Variants in RABGEF1 observed in about 807,000 individuals in gnomAD.
RABGEF1 encodes the protein RAB guanine nucleotide exchange factor 1, also known as rab5 GDP/GTP exchange factor.
In RABGEF1, 26 loss-of-function variants were observed where a neutral mutation model predicts 57.3. The ratio of observed to expected loss-of-function variants is 0.45; its 90% CI spans 0.33 to 0.63. RABGEF1 has a LOEUF of 0.63. RABGEF1 is among the 20% of genes least tolerant of loss of function. RABGEF1 has a pLI of 0.02. For missense variants in RABGEF1, 464 were observed against 607.6 expected (o/e 0.76, Z 2.48); for synonymous variants, 185 against 210.7 (o/e 0.88, Z 1.06).
chr7:66,738,937 T>G (rs555092159), upstream of RABGEF1, among the ~76,000 whole-genome samples: 1 of 152,188 alleles, frequency 6.6e-6, no homozygotes, highest in South Asian at 2.1e-4. Flanking sequence ...TCAGCACAGG[T>G]ACTTTGTGTT....
intron 1 of RABGEF1, among the ~76,000 whole-genome samples, chr7:66,684,341 G>A (rs1261946990): frequency 6.6e-6 from 1 of 152,168 alleles, no homozygotes; most frequent in Non-Finnish European, 1.5e-5. Flanking sequence ...CTACTCAGGA[G>A]GCTGAGGCAG....
In RABGEF1 at chr7:66,693,722, C is replaced by G. The variant is rs1584699855; in HGVS notation, c.-873+11464C>G. On this transcript the variant is annotated intron_variant and NMD_transcript_variant, in intron 1 of 9. Coordinates refer to the RABGEF1 transcript ENST00000607882. ...CAGATGGCACCATTTCAGGAGGGTC[C>G]CGAGAGAGAGGACTACGACCCTCAG... Among the ~76,000 whole-genome samples the G allele has an allele frequency of 3.3e-5, 5 of 152,294 alleles. No individual in the cohort carries two copies. The South Asian group carries it at 1.0e-3, about 32-fold the overall frequency.
intron 1 of RABGEF1, among the ~76,000 whole-genome samples, chr7:66,702,345 GTT>G (rs1491487824): frequency 8.2e-6 from 1 of 122,692 alleles, no homozygotes; most frequent in East Asian, 2.3e-4. Flanking sequence ...CTATTGTTTT[GTT>G]TGTGTGTGTG....
intron 3 of RABGEF1, among the ~76,000 whole-genome samples, chr7:66,775,880 G>A (rs1157921353): frequency 2.0e-5 from 3 of 152,180 alleles, no homozygotes; most frequent in Non-Finnish European, 4.4e-5. Context: ...AAAGGCCCAA[G>A]TTGGGCTCTT....
chr7:66,737,203 T>G (rs1271123380), upstream of RABGEF1, among the ~76,000 whole-genome samples: 1 of 152,032 alleles, frequency 6.6e-6, no homozygotes, highest in Non-Finnish European at 1.5e-5. Flanking sequence ...ATGCTGGTAT[T>G]ACAGTATTTA....
intron 1 of RABGEF1, among the ~76,000 whole-genome samples, chr7:66,704,003 C>T (rs1344356307): frequency 1.3e-5 from 2 of 152,208 alleles, no homozygotes; most frequent in African/African-American, 2.4e-5. Flanking sequence ...ACAAGTCTTG[C>T]ACCTCCTTTG....
chr7:66,728,799 C>T (rs2117613920), intron 2 of RABGEF1, among the ~76,000 whole-genome samples: 1 of 152,116 alleles, frequency 6.6e-6, no homozygotes, highest in South Asian at 2.1e-4. Context: ...CCTCCATCCT[C>T]ACCTCCACCT....
chr7:66,795,360 GT>G, intron 4 of RABGEF1, 150 bp from the exon 5 acceptor site: 1 of 638,610 alleles, frequency 1.6e-6, no homozygotes. Context: ...TAATGGATAG[GT>G]TTTACTCTCC....
intron 1 of RABGEF1, among the ~76,000 whole-genome samples, chr7:66,752,521 G>C (rs12531402): frequency 0.037 from 5,540 of 150,878 alleles, 158 homozygotes; most frequent in East Asian, 0.085. Flanking sequence ...CTTGATTTTT[G>C]TCTCTTCCAA....
chr7:66,781,536 C>A (rs1394277204), intron 3 of RABGEF1, among the ~76,000 whole-genome samples: 4 of 152,094 alleles, frequency 2.6e-5, no homozygotes, highest in African/African-American at 7.2e-5. Flanking sequence ...CCCAATAGGC[C>A]ACGGTGTGTG....
chr7:66,699,691 CAA>C (rs66868045), intron 1 of RABGEF1, among the ~76,000 whole-genome samples: 1 of 136,446 alleles, frequency 7.3e-6, no homozygotes, highest in Admixed American at 7.3e-5. Context: ...AATTCCATCT[CAA>C]AAAAAAAAAA....
intron 2 of RABGEF1, among the ~76,000 whole-genome samples, chr7:66,714,080 TACA>T (rs756548072): frequency 1.3e-5 from 2 of 152,236 alleles, no homozygotes; most frequent in South Asian, 2.1e-4. Context: ...GTTGGCTTTA[TACA>T]ACAATTTTGG....
At chr7:66,659,654 C>T in the RABGEF1 span, among the ~76,000 whole-genome samples, 5 of 151,716 alleles carry the variant, frequency 3.3e-5, no homozygotes, top group Admixed American at 6.6e-5. Context: ...GTGTTACCCT[C>T]CTGTGGTTCC....
intron 1 of RABGEF1, among the ~76,000 whole-genome samples, chr7:66,749,804 T>C (rs1227455310): frequency 6.6e-6 from 1 of 152,138 alleles, no homozygotes; most frequent in East Asian, 1.9e-4. Context: ...ACCCCGTCTC[T>C]ACTAAAAATA....
chr7:66,656,454 C>A, the RABGEF1 span, among the ~76,000 whole-genome samples: 7 of 152,106 alleles, frequency 4.6e-5, no homozygotes, highest in Non-Finnish European at 8.8e-5. Flanking sequence ...GGACAGAGAT[C>A]TAGAAGCTTA....
chr7:66,722,435 G>A (rs1464587300), intron 2 of RABGEF1, among the ~76,000 whole-genome samples: 39 of 152,132 alleles, frequency 2.6e-4, no homozygotes, highest in East Asian at 1.9e-4. Flanking sequence ...GCAAAACTCC[G>A]TGTCAAAAAC....
At chr7:66,745,901 A>G (rs1429204603) in intron 1 of RABGEF1, among the ~76,000 whole-genome samples, 2 of 152,182 alleles carry the variant, frequency 1.3e-5, no homozygotes, top group African/African-American at 2.4e-5. Flanking sequence ...TCCAGGCTGC[A>G]GTGAGCTGTG....
chr7:66,755,614 C>G (rs1802522526), intron 1 of RABGEF1, among the ~76,000 whole-genome samples: 1 of 152,158 alleles, frequency 6.6e-6, no homozygotes, highest in South Asian at 2.1e-4. Context: ...ATAAATTGAC[C>G]ATTTGTGCTG....
chr7:66,667,378 T>A, the RABGEF1 span: 1 of 152,296 alleles, frequency 6.6e-6, no homozygotes, highest in Non-Finnish European at 1.5e-5. Flanking sequence ...GATCCCTTGT[T>A]TATCTCACTG....
Sources: allele counts gnomAD v4.1 joint callset (sites outside exome capture counted in the v4.1 genomes callset), GRCh38; gene constraint gnomAD v4.1.1; transcripts MANE v1.5; gene names NCBI Gene and HGNC (gene_info 2026-07-23, HGNC 2026-07-21).